RADX: variants seen among roughly 807,000 people sequenced by gnomAD.
The protein encoded by RADX is RPA1 related single stranded DNA binding protein, X-linked.
In RADX, 36 loss-of-function variants were observed where a neutral mutation model predicts 61.6. The observed-to-expected ratio is 0.58, with a 90% CI of 0.45 to 0.77. The LOEUF (loss-of-function observed/expected upper bound fraction) is 0.77, where lower values mean the gene tolerates loss of function less well. Ranked by LOEUF, RADX falls within the 30% of genes least tolerant of loss-of-function variation. The pLI is 0.00. For synonymous variants in RADX, 272 were observed against 237.9 expected, an observed-to-expected ratio of 1.14 and a Z score of -1.32; for missense variants, 497 against 651.1, an observed-to-expected ratio of 0.76 and a Z score of 2.58.
intron 11 of RADX, among the ~76,000 whole-genome samples, chrX:106,648,705 A>G (rs192617327): frequency 7.4e-4 from 83 of 111,490 alleles, no homozygotes; most frequent in African/African-American, 2.4e-3. Flanking sequence ...AGCTCTTAAA[A>G]GTAAATTGTA....
rs910606049 is a variant in RADX at position 106,678,795 on chromosome X, C to T, written c.*537C>T. On this transcript the variant is annotated 3_prime_UTR_variant, in exon 14 of 14. Coordinates refer to ENST00000372548, the MANE Select transcript of RADX (RefSeq NM_018015.6). ...AGTTGCCCCTGGTCCTTAGCTTGCT[C>T]AGCTGCAAAATAAGCGTGCTAAATT... 1 of 111,957 alleles carries T rather than the reference C, an allele frequency of 8.9e-6. No individual in the cohort carries two copies. The highest frequency in any genetic ancestry group is 3.3e-5 in the African/African-American group (1 of 30,747). The allele number at this position is 111,957 out of a possible 1,213,427, so 9.2% of individuals were successfully genotyped here.
intron 6 of RADX, among the ~76,000 whole-genome samples, chrX:106,635,762 G>A (rs371795788): frequency 3.6e-5 from 4 of 111,760 alleles, no homozygotes; most frequent in Admixed American, 9.5e-5. Context: ...TTGTAAAACC[G>A]TAAGTGTTTT....
intron 1 of RADX, among the ~76,000 whole-genome samples, chrX:106,619,171 G>T (rs1181476974): frequency 9.0e-6 from 1 of 110,573 alleles, no homozygotes; most frequent in African/African-American, 3.3e-5. Flanking sequence ...TACATAGTAG[G>T]TGTAGATATA....
In RADX at chrX:106,669,304, G is replaced by A. The variant is rs151274803; in HGVS notation, c.2411G>A (p.Arg804Gln). The change falls in exon 13 of 14, where the codon CGA (arginine) becomes CAA (glutamine). Residue 804 changes from arginine (R) to glutamine (Q), a missense_variant. Coordinates refer to ENST00000372548, the MANE Select transcript of RADX (RefSeq NM_018015.6). ...AYPQDTTGND[R>Q]LPGPRAVAGD... ...CCACAGGACACAACTGGAAATGACCGATTGCCAGGTCCAAGAGCGGTTGCA... is the reference window on the plus strand; with the variant it reads ...CCACAGGACACAACTGGAAATGACCAATTGCCAGGTCCAAGAGCGGTTGCA... 935 of 1,198,234 alleles carry A rather than the reference G, an allele frequency of 7.8e-4. 1 individual carries two copies. Among genetic ancestry groups the A allele is most frequent in the Non-Finnish European group, 1.0e-3 (900 of 888,501 alleles).
In RADX at chrX:106,679,093, A is replaced by C. The variant is rs1447615767; in HGVS notation, c.*835A>C. 1 of 112,194 alleles carries C rather than the reference A, an allele frequency of 8.9e-6. No individual in the cohort carries two copies. The highest frequency in any genetic ancestry group is 3.2e-5 in the African/African-American group (1 of 30,795). 9.2% of individuals were successfully genotyped at this position (112,194 alleles called of 1,213,427 possible). On this transcript the variant is annotated 3_prime_UTR_variant, in exon 14 of 14. Coordinates refer to ENST00000372548, the MANE Select transcript of RADX (RefSeq NM_018015.6). ...TCTATAATACTTCATTTTAAATGTAAATGGCCACTCTGCATTTGCAAGGCC... is the reference window on the plus strand; with the variant it reads ...TCTATAATACTTCATTTTAAATGTACATGGCCACTCTGCATTTGCAAGGCC...
chrX:106,618,916 T>A (rs1350048361), intron 1 of RADX, among the ~76,000 whole-genome samples: 1 of 112,139 alleles, frequency 8.9e-6, no homozygotes, highest in African/African-American at 3.2e-5. Context: ...TGCCTTTTGA[T>A]CCAAACCAAT....
chrX:106,654,302 T>C (rs896612690), intron 11 of RADX, among the ~76,000 whole-genome samples: 1 of 111,882 alleles, frequency 8.9e-6, no homozygotes, highest in African/African-American at 3.3e-5. Flanking sequence ...TGATTTTTTT[T>C]TCATATGTTT....
At position 106,625,177 on chromosome X, in the gene RADX, G is replaced by A. The variant is rs1195556996; in HGVS notation, c.874G>A (p.Val292Ile). ...TCCTGAGTGGTATAAAAGTTTGCGG[G>A]TTGGTTTAGTTCTTCTGCTTCAAGA... ...LCPEWYKSLR[V>I]GLVLLLQDYS... Residue 292 changes from valine to isoleucine, a missense_variant, in exon 3 of 14, where the codon GTT (valine) becomes ATT (isoleucine). Val to Ile is a conservative substitution (Grantham distance 29, BLOSUM62 3). Transcript: ENST00000372548. 1 of 1,205,102 alleles carries A rather than the reference G, an allele frequency of 8.3e-7. No homozygotes were observed. The highest frequency in any genetic ancestry group is 1.1e-6 in the Non-Finnish European group (1 of 891,227).
intron 3 of RADX, among the ~76,000 whole-genome samples, chrX:106,629,764 A>G (rs949178860): frequency 4.5e-5 from 5 of 111,274 alleles, no homozygotes; most frequent in African/African-American, 1.6e-4. Context: ...AGCCACTAAT[A>G]TATAAACATA....
At chrX:106,640,932 C>T (rs1927497813) in intron 10 of RADX, among the ~76,000 whole-genome samples, 1 of 110,656 alleles carries the variant, frequency 9.0e-6, no homozygotes, top group Admixed American at 9.6e-5. Flanking sequence ...GCATTGGTTC[C>T]CTCAGGGCTG....
chrX:106,648,771 T>C (rs1927726304), intron 11 of RADX, among the ~76,000 whole-genome samples: 1 of 111,170 alleles, frequency 9.0e-6, no homozygotes, highest in South Asian at 3.8e-4. Context: ...ATTTCTGAAG[T>C]GATTTCGTAA....
intron 13 of RADX, among the ~76,000 whole-genome samples, chrX:106,670,644 TATA>T (rs774846786): frequency 2.1e-4 from 23 of 108,006 alleles, no homozygotes; most frequent in East Asian, 5.7e-4. Context: ...ATATGTATAA[TATA>T]ATAATAATAA....
At chrX:106,619,893 G>C (rs754584822) in intron 1 of RADX, among the ~76,000 whole-genome samples, 1 of 111,350 alleles carries the variant, frequency 9.0e-6, no homozygotes, top group Non-Finnish European at 1.9e-5. Flanking sequence ...TTGTGGTATA[G>C]TGTTTTCTGA....
chrX:106,616,285 A>G (rs5962703), intron 1 of RADX, among the ~76,000 whole-genome samples: 5,093 of 111,052 alleles, frequency 0.046, 292 homozygotes, highest in African/African-American at 0.16. Context: ...CACAATCCTC[A>G]TGTTTGTGTG....
chrX:106,635,181 ATGT>A (rs1297218144), intron 6 of RADX, among the ~76,000 whole-genome samples: 6 of 111,237 alleles, frequency 5.4e-5, no homozygotes, highest in Non-Finnish European at 5.7e-5. Flanking sequence ...AGGGGAAGTA[ATGT>A]TGTGTGTTTA....
chrX:106,677,911 C>T (rs1177631133), intron 13 of RADX, among the ~76,000 whole-genome samples: 2 of 110,168 alleles, frequency 1.8e-5, no homozygotes, highest in African/African-American at 6.6e-5. Context: ...CCAGTTCATG[C>T]CATGGCAGTT....
chrX:106,649,465 T>C (rs1217326202), intron 11 of RADX, among the ~76,000 whole-genome samples: 1 of 111,614 alleles, frequency 9.0e-6, no homozygotes, highest in Non-Finnish European at 1.9e-5. Flanking sequence ...TTCATACAGA[T>C]TTCTATATTA....
chrX:106,669,182 A>G lies in RADX; in HGVS notation c.2289A>G (p.Ala763=). The G allele has an allele frequency of 8.3e-7, 1 of 1,206,937 alleles. No individual in the cohort carries two copies. The highest frequency in any genetic ancestry group is 1.1e-6 in the Non-Finnish European group (1 of 891,458). The stretch of plus-strand genomic sequence containing the variant: ...TAACAGGTCTGAACCATGAGATAGC[A>G]ATCGATGTTGCTTTCCTACCCATGT... ...VTILGLNHEI[A]IDVAFLPMYC... Residue 763 remains alanine, a synonymous_variant, in exon 13 of 14, where the codon GCA becomes GCG. Coordinates refer to ENST00000372548, the MANE Select transcript of RADX (RefSeq NM_018015.6).
At chrX:106,677,001 G>A (rs1409269674) in intron 13 of RADX, among the ~76,000 whole-genome samples, 1 of 111,907 alleles carries the variant, frequency 8.9e-6, no homozygotes, top group Non-Finnish European at 1.9e-5. Context: ...CTTCTTGCTT[G>A]TCCCAACTTT....
Sources: allele counts gnomAD v4.1 joint callset (sites outside exome capture counted in the v4.1 genomes callset), GRCh38; gene constraint gnomAD v4.1.1; transcripts MANE v1.5; gene names NCBI Gene and HGNC (gene_info 2026-07-23, HGNC 2026-07-21).